The following INTS9 variants were observed in gnomAD, a reference collection of about 807,000 sequenced individuals.
The protein encoded by INTS9 is protein related to CPSF subunits of 74 kDa.
Under a neutral mutation model 79.7 loss-of-function variants are expected in INTS9, and 55 were observed. That is an observed-to-expected ratio of 0.69 (90% CI 0.56 to 0.86). The LOEUF is 0.86. Among genes scored for constraint, INTS9 ranks in the 40% least tolerant of loss-of-function variants. The probability of loss-of-function intolerance (pLI) is 0.00; values close to 1 mark genes in which losing one functional copy is unlikely to be tolerated. For missense variants in INTS9, 721 were observed against 831.5 expected (o/e 0.87, Z 1.64); for synonymous variants, 319 against 325.2 (o/e 0.98, Z 0.20).
intron 8 of INTS9, among the ~76,000 whole-genome samples, chr8:28,811,634 C>T (rs1440940734): frequency 2.0e-5 from 3 of 152,084 alleles, no homozygotes; most frequent in African/African-American, 4.8e-5. Context: ...TTGCCCAGGC[C>T]GGTCCTGAAC....
chr8:28,856,302 G>T (rs1808155932), intron 2 of INTS9, among the ~76,000 whole-genome samples: 2 of 152,192 alleles, frequency 1.3e-5, no homozygotes, highest in African/African-American at 4.8e-5. Flanking sequence ...TTTATAAAAG[G>T]ATACCATTTA....
intron 6 of INTS9, among the ~76,000 whole-genome samples, chr8:28,830,690 A>G (rs1239800962): frequency 6.6e-6 from 1 of 151,154 alleles, no homozygotes; most frequent in Non-Finnish European, 1.5e-5. Context: ...ATTTATGCTG[A>G]GTTTATCTAG....
intron 1 of INTS9, among the ~76,000 whole-genome samples, chr8:28,871,268 A>C (rs1013696232): frequency 2.6e-5 from 4 of 152,216 alleles, no homozygotes; most frequent in African/African-American, 9.7e-5. Flanking sequence ...AGCCATACTT[A>C]CTGGAGGAAC....
chr8:28,810,653 G>A (rs564289753), intron 8 of INTS9, among the ~76,000 whole-genome samples: 2 of 151,928 alleles, frequency 1.3e-5, no homozygotes, highest in East Asian at 3.9e-4. Flanking sequence ...AATGTAATAT[G>A]GACTTCCACA....
chr8:28,864,981 G>A (rs1323061664), intron 1 of INTS9, among the ~76,000 whole-genome samples: 2 of 131,100 alleles, frequency 1.5e-5, no homozygotes, highest in African/African-American at 3.0e-5. Context: ...GTGAGACACC[G>A]TCTCAAAAAA....
At position 28,771,078 on chromosome 8, in the gene INTS9, G is replaced by A. The variant is rs769211012; in HGVS notation, c.1566C>T (p.Leu522=). 36 of 1,606,074 alleles carry A rather than the reference G, an allele frequency of 2.2e-5. No individual in the cohort carries two copies. Among genetic ancestry groups the A allele is most frequent in the African/African-American group, 4.0e-5 (3 of 74,606 alleles). ...TCTCCATGGGCACCAGTGAATCTGC[G>A]AGCTGAAAGCAAAGGGCGCAGTTCA... The part of the protein sequence containing the change: ...RYEKIEIMPE[L]ADSLVPMEIK... Residue 522 remains leucine (L), a splice_region_variant and synonymous_variant, in exon 15 of 17, where the codon CTC becomes CTT. Transcript: ENST00000521022.
At chr8:28,852,985 A>G (rs112230008) in intron 2 of INTS9, among the ~76,000 whole-genome samples, 10 of 152,266 alleles carry the variant, frequency 6.6e-5, no homozygotes, top group Admixed American at 1.3e-4. Context: ...CTGTGTTCCA[A>G]TGAGTTATCA....
rs747192857 is a variant in INTS9, at chr8:28,835,335, T to C, written c.445A>G (p.Lys149Glu). Residue 149 changes from lysine to glutamate, a missense_variant, in exon 6 of 17, where the codon AAG becomes GAG. This residue lies in a region of INTS9 where 291 missense variants were observed against 307.0 expected (regional missense o/e 0.95). Coordinates refer to ENST00000521022, the MANE Select transcript of INTS9 (RefSeq NM_018250.4). ...TTCCACAAGGAGGCAGACTGAGCCTTTGGCACTCTTTCAATGAAATTCACC... is the reference window on the plus strand; with the variant it reads ...TTCCACAAGGAGGCAGACTGAGCCTCTGGCACTCTTTCAATGAAATTCACC... Reference protein sequence around the residue: ...ELVNFIERVPKAQSASLWKNK... With the variant: ...ELVNFIERVPEAQSASLWKNK... The C allele has an allele frequency of 6.2e-7, 1 of 1,613,918 alleles. No homozygotes were observed. The highest frequency in any genetic ancestry group is 8.5e-7 in the Non-Finnish European group (1 of 1,179,876).
chr8:28,842,019 T>C (rs1174834155), intron 4 of INTS9, among the ~76,000 whole-genome samples: 1 of 152,140 alleles, frequency 6.6e-6, no homozygotes, highest in African/African-American at 2.4e-5. Flanking sequence ...GCCCAGGAGG[T>C]CGAGGCTGGA....
chr8:28,839,640 A>G (rs945491259), intron 4 of INTS9, among the ~76,000 whole-genome samples: 6 of 152,200 alleles, frequency 3.9e-5, no homozygotes, highest in Non-Finnish European at 8.8e-5. Context: ...AACGCCGCAT[A>G]TCTATAACTA....
At chr8:28,854,341 T>G (rs535094932) in intron 2 of INTS9, among the ~76,000 whole-genome samples, 1 of 152,172 alleles carries the variant, frequency 6.6e-6, no homozygotes, top group African/African-American at 2.4e-5. Context: ...TGCAATCTAG[T>G]ATAGGGAGAG....
At chr8:28,878,647 A>C (rs115873914) in intron 1 of INTS9, among the ~76,000 whole-genome samples, 2,301 of 151,202 alleles carry the variant, frequency 0.015, 43 homozygotes, top group African/African-American at 0.039. Context: ...TTTTTAAAAA[A>C]AAAACAAAAC....
chr8:28,831,955 T>C (rs1806515894), intron 6 of INTS9, among the ~76,000 whole-genome samples: 1 of 152,152 alleles, frequency 6.6e-6, no homozygotes, highest in Admixed American at 6.5e-5. Context: ...TCTGCCCGCA[T>C]CAGCCTCCCA....
intron 1 of INTS9, among the ~76,000 whole-genome samples, chr8:28,859,835 G>A (rs1808357954): frequency 6.6e-6 from 1 of 152,106 alleles, no homozygotes; most frequent in Admixed American, 6.5e-5. Flanking sequence ...CAAAATAGAA[G>A]GTTTCAAGGC....
At chr8:28,793,745 T>C in intron 10 of INTS9, 62 bp downstream of exon 10, 2 of 1,306,432 alleles carry the variant, frequency 1.5e-6, no homozygotes, top group Non-Finnish European at 2.1e-6. Flanking sequence ...TTTTTATTCT[T>C]ACTGCTTGAA....
chr8:28,835,154 C>G, intron 6 of INTS9, 138 bp downstream of exon 6: 2 of 607,352 alleles, frequency 3.3e-6, no homozygotes, highest in Non-Finnish European at 5.6e-6. Context: ...CAAATATAAC[C>G]CTTTCATGTA....
At chr8:28,789,052 A>G (rs1246295771) in intron 10 of INTS9, among the ~76,000 whole-genome samples, 1 of 152,258 alleles carries the variant, frequency 6.6e-6, no homozygotes, top group African/African-American at 2.4e-5. Flanking sequence ...GGTTTAAAAA[A>G]ACATCACTTT....
chr8:28,854,235 C>T (rs1808017527), intron 2 of INTS9, among the ~76,000 whole-genome samples: 1 of 152,064 alleles, frequency 6.6e-6, no homozygotes, highest in Non-Finnish European at 1.5e-5. Flanking sequence ...GGCATGAGTC[C>T]ATTCATTCAT....
intron 1 of INTS9, among the ~76,000 whole-genome samples, chr8:28,888,836 C>G (rs1326227767): frequency 6.6e-6 from 1 of 152,038 alleles, no homozygotes; most frequent in Non-Finnish European, 1.5e-5. Context: ...CAATGATTAT[C>G]AAGATGAGGG....
Sources: gnomAD v4.1 joint callset for allele counts (sites outside exome capture counted in the v4.1 genomes callset) on GRCh38, gnomAD v4.1.1 for gene constraint, gnomAD v4.1.1 regional missense constraint, MANE v1.5 for transcripts, NCBI Gene and HGNC (gene_info 2026-07-23, HGNC 2026-07-21) for gene names.